HPSE: variants seen among roughly 807,000 people sequenced by gnomAD.
HPSE encodes heparanase.
In HPSE, 48 loss-of-function variants were observed where a neutral mutation model predicts 65.1. That is an observed-to-expected ratio of 0.74 (90% confidence interval 0.58 to 0.94). The LOEUF (loss-of-function observed/expected upper bound fraction) is 0.94. HPSE is among the 40% of genes least tolerant of loss of function. HPSE has a pLI of 0.00. For synonymous variants in HPSE, 243 were observed against 260.0 expected, an observed-to-expected ratio of 0.93 and a Z score of 0.63; for missense variants, 644 against 637.5, an observed-to-expected ratio of 1.01 and a Z score of -0.11.
Position 83,292,845 on chromosome 4 carries a change from T to A in HPSE, c.*2499A>T, listed in dbSNP as rs117163003. Reference sequence around the variant, plus strand: ...AACATACACAGTGGTATAAGGGATGTTGGAGACTCAGAAGGGAAGAGGGCG... The same window carrying A: ...AACATACACAGTGGTATAAGGGATGATGGAGACTCAGAAGGGAAGAGGGCG... On this transcript the variant is annotated 3_prime_UTR_variant, in exon 12 of 12. Coordinates refer to ENST00000311412, the MANE Select transcript of HPSE (RefSeq NM_001098540.3). 3 of 152,224 alleles carry A rather than the reference T, an allele frequency of 2.0e-5. No individual in the cohort carries two copies. In the East Asian group the frequency reaches 5.8e-4, roughly 29 times the overall value. The allele number at this position is 152,224 out of a possible 1,614,324, so 9.4% of individuals were successfully genotyped here. A position where few individuals can be genotyped will look rare whatever the true frequency, so the allele number is the denominator to read the frequency against.
intron 8 of HPSE, among the ~76,000 whole-genome samples, chr4:83,307,100 G>A (rs917077893): frequency 1.3e-5 from 2 of 152,088 alleles, no homozygotes; most frequent in Non-Finnish European, 2.9e-5. Context: ...AGCCCCTACC[G>A]GCCAAATTAT....
chr4:83,295,525 C>T (rs779711147), intron 11 of HPSE, 22 bp from the exon 12 acceptor site: 14 of 1,537,846 alleles, frequency 9.1e-6, no homozygotes, highest in Middle Eastern at 1.7e-4. Flanking sequence ...AAAGATACAC[C>T]GAGTTAACCA....
chr4:83,313,935 T>C (rs1281986771), intron 3 of HPSE, among the ~76,000 whole-genome samples: 2 of 152,140 alleles, frequency 1.3e-5, no homozygotes, highest in African/African-American at 2.4e-5. Flanking sequence ...GTTTAGTGTA[T>C]GTCCTATGTA....
At chr4:83,309,050 T>A in intron 7 of HPSE, 99 bp from the exon 8 acceptor site, 1 of 836,980 alleles carries the variant, frequency 1.2e-6, no homozygotes, top group Non-Finnish European at 2.0e-6. Context: ...TTTGTATTCC[T>A]AGACCCACCC....
At chr4:83,311,731 A>G (rs2126188523) in intron 4 of HPSE, among the ~76,000 whole-genome samples, 1 of 150,366 alleles carries the variant, frequency 6.7e-6, no homozygotes, top group East Asian at 2.0e-4. Context: ...ACATTGAGCT[A>G]TGAACACGCC....
At chr4:83,298,571 C>G (rs1157535737) in intron 11 of HPSE, among the ~76,000 whole-genome samples, 1 of 152,062 alleles carries the variant, frequency 6.6e-6, no homozygotes, top group Admixed American at 6.6e-5. Context: ...GTTTTTCATG[C>G]CTGTAATCCC....
At position 83,293,362 on chromosome 4, in the gene HPSE, G is replaced by A. The variant is rs1008562771; in HGVS notation, c.*1982C>T. ...ATTTTCTTCCTCTGGTTGCTATGAG[G>A]TTTGAAGGGGCCCATGAAACAGCTA... On this transcript the variant is annotated 3_prime_UTR_variant, in exon 12 of 12. Coordinates refer to ENST00000311412, the MANE Select transcript of HPSE (RefSeq NM_001098540.3). The A allele has an allele frequency of 1.3e-5, 2 of 152,172 alleles. No individual in the cohort carries two copies. The highest frequency in any genetic ancestry group is 4.8e-5 in the African/African-American group (2 of 41,436). The allele number at this position is 152,172 out of a possible 1,614,324, so 9.4% of individuals were successfully genotyped here. A position where few individuals can be genotyped will look rare whatever the true frequency, so the allele number is the denominator to read the frequency against.
At chr4:83,319,955 G>T (rs57606460) in intron 2 of HPSE, among the ~76,000 whole-genome samples, 2 of 151,498 alleles carry the variant, frequency 1.3e-5, no homozygotes, top group East Asian at 3.9e-4. Flanking sequence ...ACGAGGCGGA[G>T]GTTGCAGTGA....
intron 1 of HPSE, among the ~76,000 whole-genome samples, chr4:83,328,717 G>C (rs1163196717): frequency 6.6e-6 from 1 of 151,318 alleles, no homozygotes; most frequent in African/African-American, 2.5e-5. Flanking sequence ...TTTCTGCAGA[G>C]GCATGTGCGA....
At chr4:83,316,588 T>C (rs1488377276) in intron 3 of HPSE, among the ~76,000 whole-genome samples, 1 of 152,074 alleles carries the variant, frequency 6.6e-6, no homozygotes, top group Non-Finnish European at 1.5e-5. Flanking sequence ...GGCCTGGGTG[T>C]AGGCAACGGA....
In HPSE at chr4:83,292,961, C is replaced by T. The variant is rs1031092407; in HGVS notation, c.*2383G>A. On this transcript the variant is annotated 3_prime_UTR_variant, in exon 12 of 12. Coordinates refer to ENST00000311412, the MANE Select transcript of HPSE (RefSeq NM_001098540.3). ...ATTAAAAGCCGAGTCTTCACCACTA[C>T]ACAATTCACCCCTGTAAGCAAAAAG... 6.6e-6 allele frequency: 1 copy of T among 152,194 alleles called. No individual in the cohort carries two copies. Among genetic ancestry groups the T allele is most frequent in the Admixed American group, 6.5e-5 (1 of 15,286 alleles). 9.4% of individuals were successfully genotyped at this position (152,194 alleles called of 1,614,324 possible). A position where few individuals can be genotyped will look rare whatever the true frequency, so the allele number is the denominator to read the frequency against.
chr4:83,314,754 CTCTA>C (rs1033285563), intron 3 of HPSE, among the ~76,000 whole-genome samples: 1 of 152,162 alleles, frequency 6.6e-6, no homozygotes. Context: ...AAAGAAAGAT[CTCTA>C]TCTATCTGGC....
intron 4 of HPSE, among the ~76,000 whole-genome samples, chr4:83,311,816 A>G (rs1233653510): frequency 3.3e-5 from 5 of 151,310 alleles, no homozygotes; most frequent in Non-Finnish European, 7.4e-5. Context: ...TTGAGCAGGA[A>G]GAAGACTTGT....
At chr4:83,332,794 G>A (rs1258308705) in intron 1 of HPSE, among the ~76,000 whole-genome samples, 1 of 152,190 alleles carries the variant, frequency 6.6e-6, no homozygotes, top group Non-Finnish European at 1.5e-5. Context: ...TTACTCCAGG[G>A]GGGAACCCCC....
intron 4 of HPSE, among the ~76,000 whole-genome samples, chr4:83,312,449 G>T (rs912483441): frequency 6.6e-6 from 1 of 152,000 alleles, no homozygotes; most frequent in African/African-American, 2.4e-5. Flanking sequence ...ACGCCGAGGC[G>T]GGCAGATCAT....
chr4:83,303,858 A>G (rs1736053637), intron 9 of HPSE, among the ~76,000 whole-genome samples: 2 of 152,228 alleles, frequency 1.3e-5, no homozygotes, highest in Admixed American at 1.3e-4. Flanking sequence ...ATAAAGTAAT[A>G]TATCTGAAAT....
At position 83,322,300 on chromosome 4, in the gene HPSE, T is replaced by C; in HGVS notation, c.292A>G (p.Lys98Glu). Reference sequence around the variant, plus strand: ...GGATCGAAAATTAGGAAGTCTGTCTTGGTGCCACCAAACCTCAGGTACGCA... The same window carrying C: ...GGATCGAAAATTAGGAAGTCTGTCTCGGTGCCACCAAACCTCAGGTACGCA... ...SPAYLRFGGT[K>E]TDFLIFDPKK... Residue 98 changes from lysine to glutamate, a missense_variant, in exon 2 of 12, where the codon AAG becomes GAG. Transcript: ENST00000311412. 2 of 1,613,996 alleles carry C rather than the reference T, an allele frequency of 1.2e-6. No individual in the cohort carries two copies. The highest frequency in any genetic ancestry group is 1.7e-6 in the Non-Finnish European group (2 of 1,179,892).
At chr4:83,295,539 G>A in intron 11 of HPSE, 36 bp from the exon 12 acceptor site, 2 of 1,477,044 alleles carry the variant, frequency 1.4e-6, no homozygotes, top group Non-Finnish European at 9.1e-7. Context: ...TTAACCAAGT[G>A]GTGCATGCCC....
chr4:83,312,540 T>C (rs1384169780), intron 4 of HPSE, among the ~76,000 whole-genome samples: 4 of 140,994 alleles, frequency 2.8e-5, no homozygotes, highest in Non-Finnish European at 6.1e-5. Flanking sequence ...TAGCCGGGCG[T>C]GGTGGCGGGT....
Sources: allele counts gnomAD v4.1 joint callset (sites outside exome capture counted in the v4.1 genomes callset), GRCh38; gene constraint gnomAD v4.1.1; transcripts MANE v1.5; gene names NCBI Gene and HGNC (gene_info 2026-07-23, HGNC 2026-07-21).